The following KIAA1217 variants were observed in gnomAD, a reference collection of about 807,000 sequenced individuals.
The protein encoded by KIAA1217 is KIAA1217, also known as sickle tail protein homolog.
A neutral mutation model predicts 163.9 loss-of-function variants in KIAA1217; 88 were observed. The observed-to-expected ratio is 0.54, with a 90% CI of 0.45 to 0.64. KIAA1217 has a LOEUF of 0.64. Among genes scored for constraint, KIAA1217 ranks in the 30% least tolerant of loss-of-function variants. KIAA1217 has a pLI of 0.00. For missense variants in KIAA1217, 2,372 were observed against 2,475.0 expected, an observed-to-expected ratio of 0.96 and a Z score of 0.88; for synonymous variants, 903 against 923.1, an observed-to-expected ratio of 0.98 and a Z score of 0.39.
intron 2 of KIAA1217, among the ~76,000 whole-genome samples, chr10:24,066,797 C>T (rs745903447): frequency 4.6e-5 from 7 of 152,242 alleles, no homozygotes; most frequent in South Asian, 4.1e-4. Context: ...ACGTAGATTT[C>T]GTCTTTCCAC....
At chr10:24,293,976 G>T (rs936320566) in intron 2 of KIAA1217, among the ~76,000 whole-genome samples, 7 of 152,056 alleles carry the variant, frequency 4.6e-5, no homozygotes, top group African/African-American at 1.2e-4. Flanking sequence ...GGCGGATCAC[G>T]AGGTCAGGAG....
Position 23,934,579 on chromosome 10 carries a change from A to ATATG in KIAA1217, c.-320-72643_-320-72642insGTAT, listed in dbSNP as rs1554826369. ...AAAGTATATATATATATATATATATATATATATATATGTATATATATATAT... is the reference window on the plus strand; with the variant it reads ...AAAGTATATATATATATATATATATATATGTATATATATATGTATATATATATAT... On this transcript the variant is annotated intron_variant, in intron 1 of 18. Coordinates refer to the KIAA1217 transcript ENST00000376462. Among the ~76,000 whole-genome samples, 7 of 59,792 alleles carry ATATG rather than the reference A, an allele frequency of 1.2e-4. 1 individual carries two copies. The highest frequency in any genetic ancestry group is 2.0e-4 in the Non-Finnish European group (7 of 35,514). The allele number at this position is 59,792 out of a possible 152,430, so 39.2% of individuals were successfully genotyped here. A position where few individuals can be genotyped will look rare whatever the true frequency, so the allele number is the denominator to read the frequency against.
chr10:24,208,532 T>C (rs879767663), upstream of KIAA1217, among the ~76,000 whole-genome samples: 5 of 152,104 alleles, frequency 3.3e-5, no homozygotes, highest in African/African-American at 4.8e-5. Flanking sequence ...TAGATGTTAA[T>C]CGGGCCCTAA....
chr10:24,307,271 G>T (rs1247560123), intron 2 of KIAA1217, among the ~76,000 whole-genome samples: 1 of 152,152 alleles, frequency 6.6e-6, no homozygotes, highest in African/African-American at 2.4e-5. Flanking sequence ...TCCTTCTCAA[G>T]AGCTCTTATG....
intron 3 of KIAA1217, among the ~76,000 whole-genome samples, chr10:24,386,921 T>C (rs1225676582): frequency 1.3e-5 from 2 of 152,200 alleles, no homozygotes; most frequent in Non-Finnish European, 2.9e-5. Flanking sequence ...GAAGTATTGC[T>C]CTGTAGAGTA....
intron 1 of KIAA1217, among the ~76,000 whole-genome samples, chr10:23,760,663 A>T (rs1834213467): frequency 6.6e-6 from 1 of 152,202 alleles, no homozygotes; most frequent in Non-Finnish European, 1.5e-5. Flanking sequence ...AGAACAAGTC[A>T]GGTGTGGTGG....
intron 1 of KIAA1217, among the ~76,000 whole-genome samples, chr10:23,918,483 A>G (rs12257778): frequency 0.31 from 46,616 of 151,910 alleles, 7,491 homozygotes; most frequent in African/African-American, 0.39. Flanking sequence ...TAACCTTTGC[A>G]TGCAGTCTGC....
intron 2 of KIAA1217, among the ~76,000 whole-genome samples, chr10:24,151,142 G>T (rs2064593984): frequency 6.6e-6 from 1 of 152,078 alleles, no homozygotes; most frequent in South Asian, 2.1e-4. Context: ...GCCAATTGCT[G>T]CAAGTAAGTA....
chr10:23,762,945 A>G (rs894633300), intron 1 of KIAA1217, among the ~76,000 whole-genome samples: 22 of 152,232 alleles, frequency 1.4e-4, no homozygotes, highest in African/African-American at 5.3e-4. Context: ...CAATGTGCAA[A>G]CATCACAAGC....
intron 2 of KIAA1217, among the ~76,000 whole-genome samples, chr10:24,133,449 G>A (rs1480332833): frequency 1.3e-5 from 2 of 151,902 alleles, no homozygotes; most frequent in Admixed American, 6.6e-5. Context: ...GAGTGCACCT[G>A]TAATCCCATC....
intron 2 of KIAA1217, among the ~76,000 whole-genome samples, chr10:24,327,232 A>T (rs139975187): frequency 1.3e-5 from 2 of 152,342 alleles, no homozygotes; most frequent in East Asian, 3.9e-4. Context: ...ACAAGGTAAG[A>T]TGCCAAATAC....
At chr10:23,708,971 G>A (rs1837061238) in intron 1 of KIAA1217, among the ~76,000 whole-genome samples, 2 of 152,140 alleles carry the variant, frequency 1.3e-5, no homozygotes, top group South Asian at 2.1e-4. Context: ...AGAATTCCAA[G>A]AGGAAGGTGG....
intron 1 of KIAA1217, among the ~76,000 whole-genome samples, chr10:23,846,719 G>C (rs11013748): frequency 0.32 from 48,641 of 151,842 alleles, 10,730 homozygotes; most frequent in African/African-American, 0.63. Flanking sequence ...ATTTGAATAC[G>C]CTTTATTTCT....
At chr10:24,234,162 G>A (rs2071848672) in intron 2 of KIAA1217, among the ~76,000 whole-genome samples, 1 of 151,830 alleles carries the variant, frequency 6.6e-6, no homozygotes, top group Non-Finnish European at 1.5e-5. Context: ...AACTTTTTGA[G>A]CACCAACATG....
rs994903659 is a variant in KIAA1217 at position 24,417,368 on chromosome 10, G to A, written c.554-15627G>A. On this transcript the variant is annotated intron_variant, in intron 3 of 20. Transcript: ENST00000376454. ...CAAAAAAGCAAGGCGTGAAATTTGA[G>A]TGTTCCCAAGTCTCTCTCCATAGCT... is the stretch of plus-strand genomic sequence containing the variant. Among the ~76,000 whole-genome samples the A allele has an allele frequency of 2.6e-5, 4 of 152,268 alleles. No homozygotes were observed. In the East Asian group the frequency reaches 7.7e-4, roughly 29 times the overall value.
chr10:24,124,482 G>A (rs575784706), intron 2 of KIAA1217, among the ~76,000 whole-genome samples: 1 of 151,782 alleles, frequency 6.6e-6, no homozygotes, highest in African/African-American at 2.4e-5. Context: ...GTCCAATGTT[G>A]AATAGAAATG....
chr10:24,357,278 C>T (rs1455833018), intron 2 of KIAA1217, among the ~76,000 whole-genome samples: 1 of 152,198 alleles, frequency 6.6e-6, no homozygotes, highest in Non-Finnish European at 1.5e-5. Flanking sequence ...GCAAGCTGGT[C>T]AGAATCTGTG....
intron 2 of KIAA1217, among the ~76,000 whole-genome samples, chr10:24,256,221 C>T (rs1446682682): frequency 6.6e-6 from 1 of 152,154 alleles, no homozygotes; most frequent in East Asian, 1.9e-4. Flanking sequence ...TCCTGCCTGA[C>T]TACAACTCTG....
intron 1 of KIAA1217, among the ~76,000 whole-genome samples, chr10:23,798,386 A>G (rs1294560098): frequency 6.6e-6 from 1 of 152,332 alleles, no homozygotes; most frequent in East Asian, 1.9e-4. Flanking sequence ...TAGGTGTCAC[A>G]TTCTGTGTCC....
Sources: allele counts gnomAD v4.1 joint callset (sites outside exome capture counted in the v4.1 genomes callset), GRCh38; gene constraint gnomAD v4.1.1; transcripts MANE v1.5; gene names NCBI Gene and HGNC (gene_info 2026-07-23, HGNC 2026-07-21).